The following PTPRD variants were observed in gnomAD, a reference collection of about 807,000 sequenced individuals.
PTPRD encodes receptor-type tyrosine-protein phosphatase delta.
Under a neutral mutation model 214.5 loss-of-function variants are expected in PTPRD, and 34 were observed. The ratio of observed to expected loss-of-function variants is 0.16; its 90% CI spans 0.12 to 0.21. PTPRD has a LOEUF of 0.21. Ranked by LOEUF, PTPRD falls within the 10% of genes least tolerant of loss-of-function variation. PTPRD has a pLI of 1.00. For synonymous variants in PTPRD, 1,128 were observed against 845.7 expected (o/e 1.33, Z -5.79); for missense variants, 2,545 against 2,398.7 (o/e 1.06, Z -1.27).
intron 11 of PTPRD, among the ~76,000 whole-genome samples, chr9:8,805,221 T>A (rs895361767): frequency 2.0e-5 from 3 of 152,198 alleles, no homozygotes; most frequent in South Asian, 4.1e-4. Flanking sequence ...AGGTTGGTAT[T>A]ACCCAAATTA....
At chr9:10,250,751 T>A (rs1172754456) in intron 3 of PTPRD, among the ~76,000 whole-genome samples, 1 of 151,966 alleles carries the variant, frequency 6.6e-6, no homozygotes, top group Non-Finnish European at 1.5e-5. Flanking sequence ...AGCACAAAGG[T>A]TCAGGGAAGA....
rs200105490 is a variant in PTPRD, at chr9:8,892,673, G to GTA, written c.-104+126022_-104+126023dup. On this transcript the variant is annotated intron_variant, in intron 11 of 45. Coordinates refer to ENST00000381196, the MANE Select transcript of PTPRD (RefSeq NM_002839.4). ...TATATATATGAGTGTATATATATGT[G>GTA]TATATATATATGAGTGTATATATAT... Among the ~76,000 whole-genome samples the GTA allele has an allele frequency of 9.5e-5, 11 of 115,220 alleles. No individual in the cohort carries two copies. In the South Asian group the frequency reaches 1.4e-3, roughly 14 times the overall value. 75.6% of individuals were successfully genotyped at this position (115,220 alleles called of 152,430 possible). A position where few individuals can be genotyped will look rare whatever the true frequency, so the allele number is the denominator to read the frequency against.
intron 14 of PTPRD, among the ~76,000 whole-genome samples, chr9:8,548,147 G>T (rs2080822119): frequency 6.6e-6 from 1 of 152,176 alleles, no homozygotes; most frequent in Admixed American, 6.5e-5. Context: ...TCAAGGCACA[G>T]GGAAAAGTAT....
At chr9:8,605,339 T>C (rs1227048055) in intron 14 of PTPRD, among the ~76,000 whole-genome samples, 2 of 152,218 alleles carry the variant, frequency 1.3e-5, no homozygotes, top group East Asian at 3.8e-4. Context: ...TTTAACTTCA[T>C]TATCATAGTT....
intron 3 of PTPRD, among the ~76,000 whole-genome samples, chr9:10,135,063 C>T (rs942732468): frequency 5.3e-5 from 8 of 152,104 alleles, no homozygotes; most frequent in African/African-American, 1.9e-4. Context: ...AATTTCACTA[C>T]AGGAATTCCA....
chr9:8,880,779 A>G (rs1265918116), intron 11 of PTPRD, among the ~76,000 whole-genome samples: 4 of 152,066 alleles, frequency 2.6e-5, no homozygotes, highest in South Asian at 2.1e-4. Flanking sequence ...TATTATCTCT[A>G]TGGTGTTTTC....
chr9:8,959,527 T>C (rs1049401848), intron 11 of PTPRD, among the ~76,000 whole-genome samples: 1 of 151,908 alleles, frequency 6.6e-6, no homozygotes, highest in Admixed American at 6.6e-5. Flanking sequence ...AGAATCATCA[T>C]GGTAGGCATT....
intron 7 of PTPRD, among the ~76,000 whole-genome samples, chr9:9,642,054 G>A (rs529625520): frequency 8.7e-5 from 13 of 149,732 alleles, no homozygotes; most frequent in African/African-American, 3.0e-4. Flanking sequence ...AGAAAATGTG[G>A]CACATATACA....
chr9:10,145,289 C>G (rs986668416), intron 3 of PTPRD, among the ~76,000 whole-genome samples: 1 of 151,978 alleles, frequency 6.6e-6, no homozygotes, highest in Non-Finnish European at 1.5e-5. Context: ...ATTGTTGACC[C>G]TTTAACAACA....
intron 14 of PTPRD, among the ~76,000 whole-genome samples, chr9:8,548,941 T>C (rs888699404): frequency 2.0e-5 from 3 of 151,954 alleles, no homozygotes; most frequent in African/African-American, 7.3e-5. Context: ...TCCGCCTGCC[T>C]CGGCCTCACA....
At chr9:8,512,461 A>G (rs2097701227) in intron 21 of PTPRD, among the ~76,000 whole-genome samples, 1 of 152,170 alleles carries the variant, frequency 6.6e-6, no homozygotes, top group South Asian at 2.1e-4. Context: ...GTTATTAGAA[A>G]GCAGTCTTTT....
At chr9:10,085,848 G>A (rs1435661423) in intron 3 of PTPRD, among the ~76,000 whole-genome samples, 1 of 151,756 alleles carries the variant, frequency 6.6e-6, no homozygotes, top group African/African-American at 2.4e-5. Context: ...CTGTAACGTT[G>A]GTAAATGTTT....
At chr9:9,734,919 T>A (rs1232739869) in intron 6 of PTPRD, among the ~76,000 whole-genome samples, 1 of 152,126 alleles carries the variant, frequency 6.6e-6, no homozygotes, top group Admixed American at 6.6e-5. Context: ...AATTAGTACA[T>A]AAATTTAATG....
intron 13 of PTPRD, among the ~76,000 whole-genome samples, chr9:8,634,088 A>T (rs1296514094): frequency 1.3e-5 from 2 of 151,968 alleles, no homozygotes; most frequent in Admixed American, 1.3e-4. Context: ...TTTTTAGAGC[A>T]TTCTTGCTGT....
intron 10 of PTPRD, among the ~76,000 whole-genome samples, chr9:9,092,272 G>T (rs1018426609): frequency 2.0e-5 from 3 of 152,124 alleles, no homozygotes; most frequent in African/African-American, 7.2e-5. Flanking sequence ...CACAGATATT[G>T]AATAGGTGAT....
intron 9 of PTPRD, among the ~76,000 whole-genome samples, chr9:9,336,606 G>A (rs1203578055): frequency 6.6e-6 from 1 of 152,042 alleles, no homozygotes; most frequent in East Asian, 1.9e-4. Context: ...TATGTGTTCT[G>A]GGATGAGGAT....
intron 2 of PTPRD, among the ~76,000 whole-genome samples, chr9:10,355,557 C>A (rs2097261580): frequency 6.6e-6 from 1 of 151,158 alleles, no homozygotes; most frequent in African/African-American, 2.4e-5. Flanking sequence ...CAGCTCAATG[C>A]AACCTCCGCC....
At chr9:8,548,309 C>G (rs1053827443) in intron 14 of PTPRD, among the ~76,000 whole-genome samples, 2 of 151,918 alleles carry the variant, frequency 1.3e-5, no homozygotes, top group African/African-American at 4.8e-5. Flanking sequence ...CCAGGTCCAA[C>G]TGTGACAAGC....
chr9:8,726,297 G>A (rs1018507201), intron 12 of PTPRD, among the ~76,000 whole-genome samples: 9 of 151,640 alleles, frequency 5.9e-5, no homozygotes, highest in Admixed American at 5.9e-4. Flanking sequence ...ACTTGAAATG[G>A]GTCAGGTACA....
Sources: allele counts gnomAD v4.1 joint callset (sites outside exome capture counted in the v4.1 genomes callset), GRCh38; gene constraint gnomAD v4.1.1; transcripts MANE v1.5; gene names NCBI Gene and HGNC (gene_info 2026-07-23, HGNC 2026-07-21).